The following MYO1E variants were observed in gnomAD, a reference collection of about 807,000 sequenced individuals.
MYO1E encodes the protein unconventional myosin-Ie.
In MYO1E, 68 loss-of-function variants were observed where a neutral mutation model predicts 151.1. The ratio of observed to expected loss-of-function variants is 0.45; its 90% CI spans 0.37 to 0.55. The LOEUF is 0.55. Ranked by LOEUF, MYO1E falls within the 20% of genes least tolerant of loss-of-function variation. MYO1E has a pLI of 0.00. For synonymous variants in MYO1E, 601 were observed against 501.7 expected, an observed-to-expected ratio of 1.20 and a Z score of -2.64; for missense variants, 1,363 against 1,389.3, an observed-to-expected ratio of 0.98 and a Z score of 0.30.
chr15:59,172,012 T>G lies in MYO1E; in HGVS notation c.2365A>C (p.Lys789Gln), dbSNP rs751254130. 1 of 1,614,174 alleles carries G rather than the reference T, an allele frequency of 6.2e-7. No homozygotes were observed. Among genetic ancestry groups the G allele is most frequent in the Non-Finnish European group, 8.5e-7 (1 of 1,180,016 alleles). Residue 789 changes from lysine (K) to glutamine (Q), a missense_variant, in exon 22 of 28, where the codon AAG (lysine) becomes CAG (glutamine). Transcript: ENST00000288235. ...TCTCGTCCGATTAAGTACAAGCACT[T>G]TGGGGTAAGGAGCAGGTCTCGCTTT... ...GVKRDLLLTP[K>Q]CLYLIGREKV...
intron 1 of MYO1E, among the ~76,000 whole-genome samples, chr15:59,289,103 G>A (rs1404985743): frequency 1.3e-5 from 2 of 152,184 alleles, no homozygotes; most frequent in East Asian, 1.9e-4. Flanking sequence ...CCAGAGAGGT[G>A]AAAGGATGTG....
chr15:59,355,324 A>G (rs2080847097), intron 1 of MYO1E, among the ~76,000 whole-genome samples: 1 of 152,144 alleles, frequency 6.6e-6, no homozygotes, highest in Non-Finnish European at 1.5e-5. Context: ...TTCCTTGTCT[A>G]CAAGCCACTG....
At chr15:59,279,612 C>A (rs539087954) in intron 1 of MYO1E, among the ~76,000 whole-genome samples, 4 of 152,164 alleles carry the variant, frequency 2.6e-5, no homozygotes, top group African/African-American at 7.2e-5. Context: ...TACACTCCCC[C>A]CTGGGCCACT....
intron 26 of MYO1E, among the ~76,000 whole-genome samples, chr15:59,150,159 GC>G (rs2079467407): frequency 6.6e-6 from 1 of 152,250 alleles, no homozygotes; most frequent in Admixed American, 6.5e-5. Context: ...CAAAGAGGAG[GC>G]TGGCTAAGAC....
intron 1 of MYO1E, among the ~76,000 whole-genome samples, chr15:59,308,597 G>A (rs1346275151): frequency 7.3e-5 from 11 of 151,312 alleles, no homozygotes; most frequent in East Asian, 3.9e-4. Flanking sequence ...ACTTGAACCC[G>A]GGAGGTGGAG....
intron 1 of MYO1E, among the ~76,000 whole-genome samples, chr15:59,285,254 C>T (rs1487178075): frequency 6.7e-6 from 1 of 149,762 alleles, no homozygotes; most frequent in Non-Finnish European, 1.5e-5. Context: ...CAAGGTGTGG[C>T]GGTTCATGTC....
At chr15:59,230,314 T>C (rs1429538374) in intron 6 of MYO1E, among the ~76,000 whole-genome samples, 1 of 151,874 alleles carries the variant, frequency 6.6e-6, no homozygotes, top group African/African-American at 2.4e-5. Context: ...GTATAAAATT[T>C]TGCAATTAGA....
chr15:59,195,886 G>C (rs781429807), intron 16 of MYO1E, among the ~76,000 whole-genome samples: 1 of 152,126 alleles, frequency 6.6e-6, no homozygotes, highest in Non-Finnish European at 1.5e-5. Context: ...ATTTTCAGGT[G>C]GTACAGTGAA....
intron 13 of MYO1E, chr15:59,209,121 CAT>C: frequency 2.0e-6 from 1 of 491,830 alleles, no homozygotes; most frequent in Non-Finnish European, 3.7e-6. Context: ...TCTGCTCACT[CAT>C]AGTCATGCCA....
intron 1 of MYO1E, among the ~76,000 whole-genome samples, chr15:59,281,144 C>T (rs1293241100): frequency 1.3e-5 from 2 of 152,216 alleles, no homozygotes; most frequent in Non-Finnish European, 2.9e-5. Flanking sequence ...CTCTTTCAGC[C>T]TACAGGTTCT....
chr15:59,224,083 G>T (rs554748327), intron 8 of MYO1E, among the ~76,000 whole-genome samples: 8 of 152,302 alleles, frequency 5.3e-5, no homozygotes, highest in Non-Finnish European at 1.2e-4. Flanking sequence ...GGCAATGAAG[G>T]CCTTTGAGGC....
At chr15:59,321,258 T>C (rs1156740947) in intron 1 of MYO1E, among the ~76,000 whole-genome samples, 1 of 152,234 alleles carries the variant, frequency 6.6e-6, no homozygotes, top group Admixed American at 6.5e-5. Flanking sequence ...TCAGTCACTG[T>C]GGAAAGCAGC....
chr15:59,237,526 A>T (rs527953479), intron 4 of MYO1E, among the ~76,000 whole-genome samples: 4 of 152,328 alleles, frequency 2.6e-5, no homozygotes, highest in African/African-American at 9.6e-5. Flanking sequence ...TCATCTTTCT[A>T]TTGGTACCCT....
intron 1 of MYO1E, among the ~76,000 whole-genome samples, chr15:59,278,908 A>G (rs545532765): frequency 6.6e-6 from 1 of 152,272 alleles, no homozygotes; most frequent in Admixed American, 6.5e-5. Context: ...ACAAATGGAG[A>G]AACTGAAGCT....
intron 1 of MYO1E, among the ~76,000 whole-genome samples, chr15:59,355,656 T>C (rs1418217852): frequency 6.6e-6 from 1 of 152,160 alleles, no homozygotes; most frequent in East Asian, 1.9e-4. Flanking sequence ...AAAAAGCAAA[T>C]TGTCTAATGC....
Position 59,179,137 on chromosome 15 carries a change from G to T in MYO1E, c.1905-600C>A, listed in dbSNP as rs1388553126. The stretch of plus-strand genomic sequence containing the variant: ...TGCCCACCATGCCCTTTCCTTCCTC[G>T]GCGCCTCTGCCCCTGCTCTCCCCTC... On this transcript the variant is annotated intron_variant, in intron 18 of 27. Coordinates refer to ENST00000288235, the MANE Select transcript of MYO1E (RefSeq NM_004998.4). Among the ~76,000 whole-genome samples, 3 of 151,892 alleles carry T rather than the reference G, an allele frequency of 2.0e-5. No homozygotes were observed. In the South Asian group the frequency reaches 6.2e-4, roughly 32 times the overall value.
chr15:59,218,189 G>T, intron 9 of MYO1E, 102 bp from the exon 10 acceptor site: 1 of 1,391,124 alleles, frequency 7.2e-7, no homozygotes, highest in Non-Finnish European at 1.0e-6. Flanking sequence ...GCACGTGTGT[G>T]TGCATAGAAG....
At chr15:59,193,443 T>A (rs554681319) in intron 17 of MYO1E, among the ~76,000 whole-genome samples, 1 of 152,290 alleles carries the variant, frequency 6.6e-6, no homozygotes, top group South Asian at 2.1e-4. Flanking sequence ...ACAATGCTGC[T>A]ACCCTCTTAG....
chr15:59,141,452 AGTT>A (rs748251152), intron 26 of MYO1E, among the ~76,000 whole-genome samples: 4 of 152,234 alleles, frequency 2.6e-5, no homozygotes, highest in Non-Finnish European at 4.4e-5. Context: ...CTATGTAAAT[AGTT>A]GTTATACTAT....
Sources: gnomAD v4.1 joint callset for allele counts (sites outside exome capture counted in the v4.1 genomes callset) on GRCh38, gnomAD v4.1.1 for gene constraint, MANE v1.5 for transcripts, NCBI Gene and HGNC (gene_info 2026-07-23, HGNC 2026-07-21) for gene names.